The following SMCO4 variants were observed in gnomAD, a reference collection of about 807,000 sequenced individuals.
SMCO4 encodes single-pass membrane protein with coiled-coil domains 4, also known as single-pass membrane and coiled-coil domain-containing protein 4.
Under a neutral mutation model 3.6 loss-of-function variants are expected in SMCO4, and 4 were observed. The ratio of observed to expected loss-of-function variants is 1.11; its 90% confidence interval spans 0.54 to 2.53. The LOEUF (loss-of-function observed/expected upper bound fraction) is 2.53, where lower values mean the gene tolerates loss of function less well. SMCO4 is among the 30% of genes most tolerant of loss of function. The pLI, the probability that SMCO4 is intolerant of heterozygous loss-of-function variation, is 0.02. For synonymous variants in SMCO4, 36 were observed against 35.3 expected (o/e 1.02, Z -0.07); for missense variants, 70 against 80.8 (o/e 0.87, Z 0.51).
intron 1 of SMCO4, among the ~76,000 whole-genome samples, chr11:93,537,376 C>T (rs1030245820): frequency 2.0e-5 from 3 of 152,164 alleles, no homozygotes; most frequent in African/African-American, 7.2e-5. Context: ...CAAACTGAAC[C>T]AGTATACAAA....
At chr11:93,490,146 G>A (rs1194708372) in intron 2 of SMCO4, among the ~76,000 whole-genome samples, 1 of 152,234 alleles carries the variant, frequency 6.6e-6, no homozygotes, top group East Asian at 1.9e-4. Context: ...TCTCACTGAA[G>A]GTGGAGTAAG....
chr11:93,548,586 C>T, the SMCO4 span, among the ~76,000 whole-genome samples: 1 of 152,184 alleles, frequency 6.6e-6, no homozygotes, highest in Admixed American at 6.5e-5. Flanking sequence ...CTGCCAGAAT[C>T]ACATCTGTGG....
intron 1 of SMCO4, among the ~76,000 whole-genome samples, chr11:93,521,591 T>C (rs1949058938): frequency 6.6e-6 from 1 of 152,198 alleles, no homozygotes; most frequent in African/African-American, 2.4e-5. Context: ...CCCAAGCTCT[T>C]AACTATCACA....
chr11:93,539,557 C>T (rs1483914253), intron 1 of SMCO4, among the ~76,000 whole-genome samples: 1 of 152,196 alleles, frequency 6.6e-6, no homozygotes, highest in African/African-American at 2.4e-5. Context: ...TTATTATCTT[C>T]AGAGAACTAA....
Position 93,478,859 on chromosome 11 carries a change from C to A in SMCO4, c.*151G>T, listed in dbSNP as rs1018540379. On this transcript the variant is annotated 3_prime_UTR_variant, in exon 3 of 3. Transcript: ENST00000298966. ...ATTCCCTCCCAAGAAAGCGGAGATACTTTAATCAAGTCAAAGACCAGAGAA... is the reference window on the plus strand; with the variant it reads ...ATTCCCTCCCAAGAAAGCGGAGATAATTTAATCAAGTCAAAGACCAGAGAA... 1.4e-6 allele frequency: 2 copies of A among 1,426,260 alleles called. No homozygotes were observed. Among genetic ancestry groups the A allele is most frequent in the African/African-American group, 2.9e-5 (2 of 69,570 alleles). The allele number at this position is 1,426,260 out of a possible 1,614,324, so 88.4% of individuals were successfully genotyped here. A position where few individuals can be genotyped will look rare whatever the true frequency, so the allele number is the denominator to read the frequency against.
chr11:93,506,950 A>G (rs1948910341), intron 1 of SMCO4, among the ~76,000 whole-genome samples: 1 of 152,218 alleles, frequency 6.6e-6, no homozygotes, highest in African/African-American at 2.4e-5. Context: ...TTTTTCACAG[A>G]ACACCATCTT....
At chr11:93,528,035 T>G (rs1949126459) in intron 1 of SMCO4, among the ~76,000 whole-genome samples, 1 of 151,870 alleles carries the variant, frequency 6.6e-6, no homozygotes. Context: ...TGGCACATAC[T>G]AAATCCTAAT....
At chr11:93,543,902 A>C (rs1011725407), upstream of SMCO4, among the ~76,000 whole-genome samples, 1 of 152,256 alleles carries the variant, frequency 6.6e-6, no homozygotes, top group African/African-American at 2.4e-5. Flanking sequence ...TCAAGCGGAC[A>C]GAGATCCTGA....
At chr11:93,514,307 G>T (rs777439886) in intron 1 of SMCO4, among the ~76,000 whole-genome samples, 23 of 147,210 alleles carry the variant, frequency 1.6e-4, no homozygotes, top group Non-Finnish European at 2.7e-4. Flanking sequence ...TCAATATAAT[G>T]ATCAGAAACA....
intron 1 of SMCO4, chr11:93,535,787 AAGCAGCAGC>A: frequency 6.2e-7 from 1 of 1,612,234 alleles, no homozygotes; most frequent in Non-Finnish European, 8.5e-7. Context: ...AAGAAGACCA[AAGCAGCAGC>A]AGCAGCAGCA....
chr11:93,530,878 A>T (rs1031898239), intron 1 of SMCO4, among the ~76,000 whole-genome samples: 2 of 152,150 alleles, frequency 1.3e-5, no homozygotes, highest in Non-Finnish European at 2.9e-5. Flanking sequence ...CCACTTTTTC[A>T]GCAGTCACCA....
chr11:93,537,917 C>T (rs908835639), intron 1 of SMCO4: 1 of 152,410 alleles, frequency 6.6e-6, no homozygotes, highest in East Asian at 1.9e-4. Context: ...GCTTCCTCCT[C>T]GCAGCGAGAA....
At chr11:93,548,035 G>T (rs988283587), upstream of SMCO4, among the ~76,000 whole-genome samples, 5 of 152,214 alleles carry the variant, frequency 3.3e-5, no homozygotes, top group African/African-American at 1.2e-4. Context: ...CCTGACTGCA[G>T]CTGCCAGGAG....
intron 1 of SMCO4, among the ~76,000 whole-genome samples, chr11:93,500,524 G>C (rs1357839363): frequency 6.6e-6 from 1 of 152,132 alleles, no homozygotes; most frequent in East Asian, 1.9e-4. Context: ...TTCTACTAGG[G>C]AGCACTGATT....
At chr11:93,551,891 T>C in the SMCO4 span, among the ~76,000 whole-genome samples, 1 of 152,162 alleles carries the variant, frequency 6.6e-6, no homozygotes, top group South Asian at 2.1e-4. Flanking sequence ...GGTGTAGAAG[T>C]ACTTCCTGAA....
At chr11:93,540,225 C>A (rs1200323267) in intron 1 of SMCO4, among the ~76,000 whole-genome samples, 5 of 152,176 alleles carry the variant, frequency 3.3e-5, no homozygotes, top group African/African-American at 1.2e-4. Flanking sequence ...TTACTCAATC[C>A]CATTGACCCA....
At chr11:93,522,103 CAAA>C (rs201802842) in intron 1 of SMCO4, among the ~76,000 whole-genome samples, 1 of 58,194 alleles carries the variant, frequency 1.7e-5, no homozygotes, top group Non-Finnish European at 3.5e-5. Context: ...TAAAACAAAA[CAAA>C]AACAAAATGT....
chr11:93,534,059 C>G (rs543145755), intron 1 of SMCO4, among the ~76,000 whole-genome samples: 1 of 151,494 alleles, frequency 6.6e-6, no homozygotes, highest in Non-Finnish European at 1.5e-5. Context: ...GGCGTGGTGG[C>G]GCACACCTGT....
At chr11:93,525,437 A>T (rs1036560789) in intron 1 of SMCO4, among the ~76,000 whole-genome samples, 1 of 152,198 alleles carries the variant, frequency 6.6e-6, no homozygotes, top group Admixed American at 6.5e-5. Context: ...GTAAAAATTA[A>T]ATTTGATTCC....
Sources: gnomAD v4.1 joint callset for allele counts (sites outside exome capture counted in the v4.1 genomes callset) on GRCh38, gnomAD v4.1.1 for gene constraint, MANE v1.5 for transcripts, NCBI Gene and HGNC (gene_info 2026-07-23, HGNC 2026-07-21) for gene names.